Variants in PTPRT observed in about 807,000 individuals in gnomAD.
The protein encoded by PTPRT is protein tyrosine phosphatase receptor type T.
A neutral mutation model predicts 176.8 loss-of-function variants in PTPRT; 56 were observed. The observed-to-expected ratio is 0.32, with a 90% CI of 0.26 to 0.40. PTPRT has a LOEUF of 0.40. Ranked by LOEUF, PTPRT falls within the 10% of genes least tolerant of loss-of-function variation. The pLI, the probability that PTPRT is intolerant of heterozygous loss-of-function variation, is 1.00. For missense variants in PTPRT, 1,540 were observed against 1,908.2 expected (o/e 0.81, Z 3.60); for synonymous variants, 783 against 739.0 (o/e 1.06, Z -0.96).
At chr20:42,885,740 T>TC (rs1910398725) in intron 2 of PTPRT, 67 bp downstream of exon 2, 3 of 1,550,226 alleles carry the variant, frequency 1.9e-6, no homozygotes, top group Non-Finnish European at 2.6e-6. Context: ...AGTAAGTTCT[T>TC]CCCCCCATGA....
chr20:43,083,320 GTA>G (rs779087395), intron 1 of PTPRT, among the ~76,000 whole-genome samples: 948 of 36,942 alleles, frequency 0.026, 28 homozygotes, highest in Non-Finnish European at 0.039. Flanking sequence ...CACTTCAAAT[GTA>G]TATATATATA....
the PTPRT span, among the ~76,000 whole-genome samples, chr20:42,048,918 T>C: frequency 6.6e-6 from 1 of 151,920 alleles, no homozygotes; most frequent in Non-Finnish European, 1.5e-5. Context: ...GCCTCCCGGG[T>C]TCAAGCAATT....
At chr20:42,835,139 G>A (rs1489589093) in intron 2 of PTPRT, among the ~76,000 whole-genome samples, 1 of 152,114 alleles carries the variant, frequency 6.6e-6, no homozygotes, top group Admixed American at 6.6e-5. Flanking sequence ...GAACACAGGC[G>A]ATATTAAACT....
At chr20:42,386,259 G>A (rs1006453038) in intron 9 of PTPRT, among the ~76,000 whole-genome samples, 1 of 152,142 alleles carries the variant, frequency 6.6e-6, no homozygotes, top group East Asian at 1.9e-4. Flanking sequence ...AAACCCGTGG[G>A]ACTAATAAAA....
At chr20:42,036,975 G>T in the PTPRT span, among the ~76,000 whole-genome samples, 2 of 152,190 alleles carry the variant, frequency 1.3e-5, no homozygotes, top group Non-Finnish European at 2.9e-5. Flanking sequence ...CCAAACATGT[G>T]ATCACTCATT....
chr20:42,524,150 T>TAC (rs1046553350), intron 7 of PTPRT, among the ~76,000 whole-genome samples: 1 of 152,244 alleles, frequency 6.6e-6, no homozygotes, highest in Non-Finnish European at 1.5e-5. Flanking sequence ...TCATGTTTTC[T>TAC]ACACACACAT....
chr20:42,296,064 C>T (rs2057381825), intron 12 of PTPRT, among the ~76,000 whole-genome samples: 1 of 152,160 alleles, frequency 6.6e-6, no homozygotes, highest in South Asian at 2.1e-4. Flanking sequence ...TGAGAACGAA[C>T]TAATATAGGC....
At chr20:42,736,159 T>C (rs957043139) in intron 6 of PTPRT, among the ~76,000 whole-genome samples, 9 of 152,188 alleles carry the variant, frequency 5.9e-5, no homozygotes, top group Admixed American at 2.0e-4. Context: ...TTTGGGGGCA[T>C]GTAATATAGT....
intron 13 of PTPRT, among the ~76,000 whole-genome samples, chr20:42,258,036 A>C (rs957234385): frequency 6.6e-6 from 1 of 152,060 alleles, no homozygotes; most frequent in African/African-American, 2.4e-5. Flanking sequence ...CTCTCTAATA[A>C]ATAGGGGGAG....
At chr20:42,544,686 T>C (rs185232748) in intron 7 of PTPRT, among the ~76,000 whole-genome samples, 1 of 152,252 alleles carries the variant, frequency 6.6e-6, no homozygotes, top group East Asian at 1.9e-4. Context: ...GCCTGGCTGT[T>C]TATGTGAGAA....
intron 1 of PTPRT, among the ~76,000 whole-genome samples, chr20:42,911,821 T>G (rs1022393376): frequency 1.3e-5 from 2 of 152,136 alleles, no homozygotes; most frequent in African/African-American, 4.8e-5. Context: ...CAAAGAACAT[T>G]TGGAACCAGA....
chr20:42,878,367 C>T (rs778896100), intron 2 of PTPRT, among the ~76,000 whole-genome samples: 1 of 152,180 alleles, frequency 6.6e-6, no homozygotes, highest in Non-Finnish European at 1.5e-5. Context: ...GAACATATGA[C>T]TTTCATTTCA....
At chr20:42,633,152 G>T (rs2074450433) in intron 7 of PTPRT, among the ~76,000 whole-genome samples, 2 of 152,068 alleles carry the variant, frequency 1.3e-5, no homozygotes, top group South Asian at 4.1e-4. Flanking sequence ...AGCTTACACT[G>T]AACATTCTAG....
chr20:42,419,637 C>T (rs931004831), intron 9 of PTPRT, among the ~76,000 whole-genome samples: 1 of 152,128 alleles, frequency 6.6e-6, no homozygotes, highest in Non-Finnish European at 1.5e-5. Context: ...TTTCTTCTCC[C>T]TCTCCTAGGA....
intron 7 of PTPRT, among the ~76,000 whole-genome samples, chr20:42,501,647 G>C (rs148110624): frequency 6.6e-6 from 1 of 152,150 alleles, no homozygotes; most frequent in African/African-American, 2.4e-5. Context: ...GTGTTGAATA[G>C]TTGTGATAGA....
At chr20:42,679,885 T>C (rs527353903) in intron 6 of PTPRT, among the ~76,000 whole-genome samples, 19 of 152,364 alleles carry the variant, frequency 1.2e-4, no homozygotes, top group African/African-American at 3.6e-4. Flanking sequence ...AAGACTTCAG[T>C]CTGTCTTATC....
chr20:42,939,690 C>T (rs16987638), intron 1 of PTPRT, among the ~76,000 whole-genome samples: 9,492 of 152,052 alleles, frequency 0.062, 831 homozygotes, highest in African/African-American at 0.19. Context: ...CAAGGTTTTT[C>T]TGCCTTCAAA....
intron 7 of PTPRT, among the ~76,000 whole-genome samples, chr20:42,543,337 T>G (rs2072616990): frequency 6.6e-6 from 1 of 152,224 alleles, no homozygotes; most frequent in South Asian, 2.1e-4. Context: ...TTACAGCATC[T>G]TCATCAATAA....
At chr20:42,096,381 A>T (rs1465941380) in intron 27 of PTPRT, among the ~76,000 whole-genome samples, 3 of 152,086 alleles carry the variant, frequency 2.0e-5, no homozygotes, top group African/African-American at 7.2e-5. Flanking sequence ...GGCAGGGGGA[A>T]CACTTGAGGT....
Sources: allele counts gnomAD v4.1 joint callset (sites outside exome capture counted in the v4.1 genomes callset), GRCh38; gene constraint gnomAD v4.1.1; transcripts MANE v1.5; gene names NCBI Gene and HGNC (gene_info 2026-07-23, HGNC 2026-07-21).